The following GNA14 variants were observed in gnomAD, a reference collection of about 807,000 sequenced individuals.
GNA14 encodes the protein G protein subunit alpha 14.
Under a neutral mutation model 42.0 loss-of-function variants are expected in GNA14, and 50 were observed. The observed-to-expected ratio is 1.19, with a 90% CI of 0.95 to 1.51. The LOEUF is 1.51. Ranked by LOEUF, GNA14 falls within the 40% of genes most tolerant of loss-of-function variation. The pLI is 0.00. For synonymous variants in GNA14, 173 were observed against 163.1 expected (o/e 1.06, Z -0.46); for missense variants, 473 against 446.2 (o/e 1.06, Z -0.54).
At position 77,468,566 on chromosome 9, in the gene GNA14, T is replaced by C. The variant is rs538064484; in HGVS notation, c.310-34044A>G. ...TTTATTAATATTTCAAGACTTTCTCTCTTTCCAGGAATGTGGGACTATTAT... is the reference window on the plus strand; with the variant it reads ...TTTATTAATATTTCAAGACTTTCTCCCTTTCCAGGAATGTGGGACTATTAT... On this transcript the variant is annotated intron_variant, in intron 2 of 6. Coordinates refer to ENST00000341700, the MANE Select transcript of GNA14 (RefSeq NM_004297.4). 2.6e-5 allele frequency among the ~76,000 whole-genome samples: 4 copies of C among 152,356 alleles called. No individual in the cohort carries two copies. The South Asian group carries it at 8.3e-4, about 32-fold the overall frequency.
chr9:77,504,390 A>G (rs977787020), intron 2 of GNA14, among the ~76,000 whole-genome samples: 1 of 152,122 alleles, frequency 6.6e-6, no homozygotes, highest in African/African-American at 2.4e-5. Flanking sequence ...CAAGCTCATA[A>G]CACCACCCAG....
At chr9:77,449,047 A>C (rs978459061) in intron 2 of GNA14, among the ~76,000 whole-genome samples, 3 of 152,230 alleles carry the variant, frequency 2.0e-5, no homozygotes, top group African/African-American at 7.2e-5. Flanking sequence ...GATAGGATGT[A>C]AGATTATAAT....
rs1429473973 is a variant in GNA14 at position 77,438,117 on chromosome 9, G to C, written c.310-3595C>G. ...TATTGTCTGTTTAGCCGGGTGAGGG[G>C]AATTTGGAGAATCTGGCTTGAAAGA... On this transcript the variant is annotated intron_variant, in intron 2 of 6. Transcript: ENST00000341700. Among the ~76,000 whole-genome samples, 3 of 152,274 alleles carry C rather than the reference G, an allele frequency of 2.0e-5. No individual in the cohort carries two copies. The East Asian group carries it at 5.8e-4, about 29-fold the overall frequency.
intron 2 of GNA14, among the ~76,000 whole-genome samples, chr9:77,435,177 T>G (rs1835623753): frequency 1.3e-5 from 2 of 150,970 alleles, no homozygotes; most frequent in South Asian, 2.1e-4. Flanking sequence ...GCCAACATGG[T>G]GAAACCCCAT....
At chr9:77,572,567 T>C (rs1823076295) in intron 1 of GNA14, among the ~76,000 whole-genome samples, 1 of 152,240 alleles carries the variant, frequency 6.6e-6, no homozygotes, top group South Asian at 2.1e-4. Context: ...TGTGATCCAG[T>C]TTTTAAAAAT....
intron 1 of GNA14, among the ~76,000 whole-genome samples, chr9:77,616,741 G>A (rs1369711700): frequency 6.6e-6 from 1 of 152,066 alleles, no homozygotes; most frequent in African/African-American, 2.4e-5. Context: ...CATCAAAAAG[G>A]CCTCATCCTT....
chr9:77,491,912 G>T (rs1295895531), intron 2 of GNA14, among the ~76,000 whole-genome samples: 1 of 152,066 alleles, frequency 6.6e-6, no homozygotes, highest in Non-Finnish European at 1.5e-5. Flanking sequence ...CATGTCTTAG[G>T]CTATAAAACA....
intron 1 of GNA14, among the ~76,000 whole-genome samples, chr9:77,587,891 G>C (rs1823330021): frequency 6.6e-6 from 1 of 152,116 alleles, no homozygotes; most frequent in South Asian, 2.1e-4. Flanking sequence ...GGGGTTGGAG[G>C]GCTCTGTTCC....
intron 2 of GNA14, among the ~76,000 whole-genome samples, chr9:77,523,605 T>TA (rs566244587): frequency 1.3e-5 from 2 of 152,170 alleles, no homozygotes; most frequent in Non-Finnish European, 2.9e-5. Context: ...AAATCTTCTT[T>TA]AAAAAATCTG....
chr9:77,532,692 A>C lies in GNA14; in HGVS notation c.125-3439T>G, dbSNP rs75049095. Among the ~76,000 whole-genome samples the C allele has an allele frequency of 1.3e-3, 198 of 152,318 alleles. 5 individuals are homozygous for C. The East Asian group carries it at 0.035, about 27-fold the overall frequency. On this transcript the variant is annotated intron_variant, in intron 1 of 6. Transcript: ENST00000341700. ...TGACTTAGATCCTACATCCTACCTA[A>C]CTACCTATTAGAATATGTGGTTTGT...
Position 77,424,087 on chromosome 9 carries a change from G to A in GNA14, c.960C>T (p.Ile320=), listed in dbSNP as rs1253206829. ...QDQNPDKEKV[I]YSHFTCATDT... ...CTGTAGCACATGTGAAGTGAGAGTA[G>A]ATGACTTTCTCTTTGTCAGGATTCT... is the stretch of plus-strand genomic sequence containing the variant. Residue 320 remains isoleucine, a synonymous_variant, in exon 7 of 7, where the codon ATC becomes ATT. Coordinates refer to ENST00000341700, the MANE Select transcript of GNA14 (RefSeq NM_004297.4). 6 of 1,611,522 alleles carry A rather than the reference G, an allele frequency of 3.7e-6. No individual in the cohort carries two copies. Among genetic ancestry groups the A allele is most frequent in the African/African-American group, 1.3e-5 (1 of 74,986 alleles).
At chr9:77,457,713 C>T (rs544699042) in intron 2 of GNA14, among the ~76,000 whole-genome samples, 10 of 152,172 alleles carry the variant, frequency 6.6e-5, no homozygotes, top group Non-Finnish European at 1.0e-4. Flanking sequence ...GACACCCTCA[C>T]GCCGCCCAGC....
chr9:77,582,565 T>C (rs1266941982), intron 1 of GNA14, among the ~76,000 whole-genome samples: 1 of 152,188 alleles, frequency 6.6e-6, no homozygotes, highest in East Asian at 1.9e-4. Flanking sequence ...TGGTTATATC[T>C]ATCTGAATTT....
rs77056630 is a variant in GNA14, at chr9:77,434,608, T to C, written c.310-86A>G. ...TGTCGGTACAAGTCTTGCCCTGGTC[T>C]GTGGATTTGGAGAGCTCTCACTAGG... On this transcript the variant is annotated intron_variant, in intron 2 of 6. Transcript: ENST00000341700. 7.2e-5 allele frequency: 90 copies of C among 1,246,026 alleles called. No individual in the cohort carries two copies. The East Asian group carries it at 1.6e-3, about 22-fold the overall frequency. 77.2% of individuals were successfully genotyped at this position (1,246,026 alleles called of 1,614,324 possible).
chr9:77,597,293 T>A lies in GNA14; in HGVS notation c.124+50377A>T, dbSNP rs372978356. On this transcript the variant is annotated intron_variant, in intron 1 of 6. Transcript: ENST00000341700. ...AAACCAAACGTCTTGCCCTTTTAGT[T>A]CCTTCTAGAGATGTTGCATTTGTAC... 4.6e-5 allele frequency among the ~76,000 whole-genome samples: 7 copies of A among 152,272 alleles called. No homozygotes were observed. The South Asian group carries it at 1.2e-3, about 27-fold the overall frequency.
intron 2 of GNA14, among the ~76,000 whole-genome samples, chr9:77,462,973 C>G (rs1836140242): frequency 6.6e-6 from 1 of 152,168 alleles, no homozygotes. Context: ...CACTGGAGTT[C>G]TCTCTTCTAA....
chr9:77,489,805 G>A (rs1160967812), intron 2 of GNA14, among the ~76,000 whole-genome samples: 3 of 152,144 alleles, frequency 2.0e-5, no homozygotes, highest in Admixed American at 2.0e-4. Flanking sequence ...CGTGGTGAGT[G>A]TTACAGCTCA....
chr9:77,558,929 CAAAAAAA>C (rs796275094), intron 1 of GNA14, among the ~76,000 whole-genome samples: 1 of 144,846 alleles, frequency 6.9e-6, no homozygotes, highest in South Asian at 2.2e-4. Flanking sequence ...AAACAAAAAA[CAAAAAAA>C]AAAACAAAAA....
intron 1 of GNA14, among the ~76,000 whole-genome samples, chr9:77,542,451 A>G (rs1212085834): frequency 1.3e-5 from 2 of 152,134 alleles, no homozygotes; most frequent in Non-Finnish European, 2.9e-5. Context: ...GCCTGTACTT[A>G]AACCCACAGT....
Sources: allele counts gnomAD v4.1 joint callset (sites outside exome capture counted in the v4.1 genomes callset), GRCh38; gene constraint gnomAD v4.1.1; transcripts MANE v1.5; gene names NCBI Gene and HGNC (gene_info 2026-07-23, HGNC 2026-07-21).